Variants in NEGR1 observed in about 807,000 individuals in gnomAD.
The protein encoded by NEGR1 is IgLON family member 4.
Under a neutral mutation model 40.9 loss-of-function variants are expected in NEGR1, and 10 were observed. The observed-to-expected ratio is 0.24, with a 90% CI of 0.15 to 0.42. The LOEUF (loss-of-function observed/expected upper bound fraction) is 0.42. NEGR1 is among the 10% of genes least tolerant of loss of function. The pLI is 1.00. For missense variants in NEGR1, 352 were observed against 438.9 expected, an observed-to-expected ratio of 0.80 and a Z score of 1.77; for synonymous variants, 185 against 166.8, an observed-to-expected ratio of 1.11 and a Z score of -0.84.
chr1:71,430,177 TTGGCACCTTC>T (rs1307617898), intron 6 of NEGR1, among the ~76,000 whole-genome samples: 1 of 152,212 alleles, frequency 6.6e-6, no homozygotes, highest in Non-Finnish European at 1.5e-5. Context: ...TTGTTTCTGT[TTGGCACCTTC>T]TGGCAAACTA....
intron 2 of NEGR1, among the ~76,000 whole-genome samples, chr1:71,880,681 A>C (rs941560206): frequency 3.3e-5 from 5 of 152,000 alleles, no homozygotes; most frequent in Admixed American, 3.3e-4. Flanking sequence ...GCTTCCTACC[A>C]AGATAACCTA....
chr1:71,738,606 T>C (rs1655111689), intron 3 of NEGR1, among the ~76,000 whole-genome samples: 1 of 152,106 alleles, frequency 6.6e-6, no homozygotes, highest in Admixed American at 6.6e-5. Context: ...TATGTTGCCC[T>C]GCTTTCCATA....
intron 6 of NEGR1, among the ~76,000 whole-genome samples, chr1:71,570,194 T>C (rs890566076): frequency 1.3e-5 from 2 of 152,228 alleles, no homozygotes; most frequent in African/African-American, 4.8e-5. Context: ...AATTTTTATG[T>C]ATTTTTAAAC....
chr1:71,489,056 C>A lies in NEGR1; in HGVS notation c.941-81486G>T, dbSNP rs143312319. Among the ~76,000 whole-genome samples, 107 of 151,366 alleles carry A rather than the reference C, an allele frequency of 7.1e-4. 1 individual carries two copies. Among genetic ancestry groups the A allele is most frequent in the African/African-American group, 2.5e-3 (103 of 41,326 alleles). ...AAATGACATATGCTCATAAACATAG[C>A]CTGTTTTTCCTGTTGGAGAATTACT... On this transcript the variant is annotated intron_variant, in intron 6 of 6. Coordinates refer to ENST00000357731, the MANE Select transcript of NEGR1 (RefSeq NM_173808.3).
intron 3 of NEGR1, among the ~76,000 whole-genome samples, chr1:71,753,217 A>T (rs776607974): frequency 2.6e-5 from 4 of 152,176 alleles, no homozygotes; most frequent in Non-Finnish European, 4.4e-5. Context: ...TCACACAAAG[A>T]TACTGTTGAT....
rs189414239 is a variant in NEGR1 at position 72,150,081 on chromosome 1, C to T, written c.176+132238G>A. Among the ~76,000 whole-genome samples, 861 of 152,062 alleles carry T rather than the reference C, an allele frequency of 5.7e-3. 15 individuals are homozygous for T. Among genetic ancestry groups the T allele is most frequent in the Non-Finnish European group, 4.4e-3 (298 of 67,976 alleles). Reference sequence around the variant, plus strand: ...CTATTCCGAATCCCTTCCTAATTTGCCTAGTAGCAATTCATTTTATGGGCA... The same window carrying T: ...CTATTCCGAATCCCTTCCTAATTTGTCTAGTAGCAATTCATTTTATGGGCA... On this transcript the variant is annotated intron_variant, in intron 1 of 6. Coordinates refer to ENST00000357731, the MANE Select transcript of NEGR1 (RefSeq NM_173808.3).
chr1:71,879,969 G>C (rs1660536834), intron 2 of NEGR1, among the ~76,000 whole-genome samples: 1 of 152,054 alleles, frequency 6.6e-6, no homozygotes, highest in Non-Finnish European at 1.5e-5. Flanking sequence ...GAGTTCTATA[G>C]TAAGACATAT....
intron 1 of NEGR1, chr1:72,275,092 C>T (rs1455831655): frequency 1.1e-6 from 1 of 908,338 alleles, no homozygotes; most frequent in Admixed American, 1.7e-5. Flanking sequence ...CCTCCTGATA[C>T]CGAAAGACTT....
chr1:71,832,431 G>A (rs1658875062), intron 2 of NEGR1, among the ~76,000 whole-genome samples: 1 of 151,990 alleles, frequency 6.6e-6, no homozygotes, highest in African/African-American at 2.4e-5. Flanking sequence ...AGCCCTCTAA[G>A]GCACTAGCTG....
chr1:71,900,924 A>C (rs555879288), intron 2 of NEGR1, among the ~76,000 whole-genome samples: 1 of 152,312 alleles, frequency 6.6e-6, no homozygotes, highest in East Asian at 1.9e-4. Context: ...AATAGAAAAT[A>C]CATCATCACC....
intron 6 of NEGR1, among the ~76,000 whole-genome samples, chr1:71,413,487 T>A (rs1198137572): frequency 6.6e-6 from 1 of 152,194 alleles, no homozygotes; most frequent in Admixed American, 6.5e-5. Flanking sequence ...AAATATTAAT[T>A]CTCTATATTT....
intron 1 of NEGR1, among the ~76,000 whole-genome samples, chr1:72,257,387 A>C (rs1655310288): frequency 1.3e-5 from 2 of 151,680 alleles, no homozygotes; most frequent in South Asian, 4.2e-4. Context: ...TTAGATGAGA[A>C]CTGAGGGAGA....
chr1:72,130,943 T>A (rs1212205931), intron 1 of NEGR1, among the ~76,000 whole-genome samples: 1 of 152,056 alleles, frequency 6.6e-6, no homozygotes, highest in Non-Finnish European at 1.5e-5. Context: ...AGGAATAGAA[T>A]TAGGAAAAAG....
At chr1:71,408,772 T>C (rs1232389133) in intron 6 of NEGR1, 3 of 152,026 alleles carry the variant, frequency 2.0e-5, no homozygotes, top group Admixed American at 2.0e-4. Context: ...TTGAATAATG[T>C]AGTAAAGAAA....
intron 1 of NEGR1, among the ~76,000 whole-genome samples, chr1:72,214,282 A>C (rs903715244): frequency 6.6e-6 from 1 of 152,138 alleles, no homozygotes; most frequent in African/African-American, 2.4e-5. Context: ...AAAAGCTGGA[A>C]GGATTCCTTT....
chr1:71,937,782 A>T (rs1310530142), intron 1 of NEGR1, among the ~76,000 whole-genome samples: 1 of 152,184 alleles, frequency 6.6e-6, no homozygotes, highest in Admixed American at 6.5e-5. Flanking sequence ...CCTAGTATAA[A>T]GGAAGCAGAA....
chr1:72,044,786 T>C lies in NEGR1; in HGVS notation c.177-109475A>G, dbSNP rs1218607737. 2.0e-5 allele frequency among the ~76,000 whole-genome samples: 3 copies of C among 151,836 alleles called. 1 individual carries two copies. The highest frequency in any genetic ancestry group is 4.1e-4 in the South Asian group (2 of 4,828). On this transcript the variant is annotated intron_variant, in intron 1 of 6. Transcript: ENST00000357731. Reference sequence around the variant, plus strand: ...GCATTGTTTGGTGGCAAAGGAAAATTATCAGATGTATTTTTCTTTTACTAC... The same window carrying C: ...GCATTGTTTGGTGGCAAAGGAAAATCATCAGATGTATTTTTCTTTTACTAC...
At chr1:71,511,077 A>C (rs1225962250) in intron 6 of NEGR1, among the ~76,000 whole-genome samples, 1 of 152,206 alleles carries the variant, frequency 6.6e-6, no homozygotes, top group Non-Finnish European at 1.5e-5. Context: ...GATGCAGGCT[A>C]CAAGGAACTT....
chr1:71,729,618 G>T (rs970768317), intron 3 of NEGR1, among the ~76,000 whole-genome samples: 3 of 151,902 alleles, frequency 2.0e-5, no homozygotes, highest in Non-Finnish European at 4.4e-5. Flanking sequence ...ATTAAGAGAT[G>T]TAGCTGAATA....
Sources: allele counts gnomAD v4.1 joint callset (sites outside exome capture counted in the v4.1 genomes callset), GRCh38; gene constraint gnomAD v4.1.1; transcripts MANE v1.5; gene names NCBI Gene and HGNC (gene_info 2026-07-23, HGNC 2026-07-21).